Variants in SHROOM2 observed in about 807,000 individuals in gnomAD.
SHROOM2 encodes the protein protein Shroom2.
Under a neutral mutation model 75.9 loss-of-function variants are expected in SHROOM2, and 33 were observed. The observed-to-expected ratio is 0.43, with a 90% CI of 0.33 to 0.58. The LOEUF (loss-of-function observed/expected upper bound fraction) is 0.58, where lower values mean the gene tolerates loss of function less well. Among genes scored for constraint, SHROOM2 ranks in the 20% least tolerant of loss-of-function variants. The probability of loss-of-function intolerance (pLI) is 0.04; values close to 1 mark genes in which losing one functional copy is unlikely to be tolerated. For missense variants in SHROOM2, 1,434 were observed against 1,461.2 expected (o/e 0.98, Z 0.30); for synonymous variants, 655 against 663.6 (o/e 0.99, Z 0.20).
At chrX:9,890,774 G>A (rs1338932306) in intron 2 of SHROOM2, among the ~76,000 whole-genome samples, 1 of 107,310 alleles carries the variant, frequency 9.3e-6, no homozygotes, top group Non-Finnish European at 1.9e-5. Context: ...TTTGGCACAC[G>A]CGCATGTGCT....
In SHROOM2 at chrX:9,934,626, C is replaced by T. The variant is rs2084681928; in HGVS notation, c.3587+1756C>T. On this transcript the variant is annotated intron_variant, in intron 6 of 9. Transcript: ENST00000380913. ...GAAGGTCCGACCCACTGTGTTCTGTCCTTATTTTGAAGTCAAGGCTCGTGA... is the reference window on the plus strand; with the variant it reads ...GAAGGTCCGACCCACTGTGTTCTGTTCTTATTTTGAAGTCAAGGCTCGTGA... Among the ~76,000 whole-genome samples, 4 of 111,117 alleles carry T rather than the reference C, an allele frequency of 3.6e-5. No individual in the cohort carries two copies. In the South Asian group the frequency reaches 1.5e-3, roughly 43 times the overall value.
At chrX:9,802,394 T>C (rs1222723200) in intron 1 of SHROOM2, among the ~76,000 whole-genome samples, 2 of 112,808 alleles carry the variant, frequency 1.8e-5, no homozygotes, top group Non-Finnish European at 3.7e-5. Flanking sequence ...AAAAGTTTGC[T>C]GAGTGCTGCT....
intron 1 of SHROOM2, among the ~76,000 whole-genome samples, chrX:9,808,966 G>C (rs774631479): frequency 1.5e-4 from 17 of 110,466 alleles, no homozygotes; most frequent in Non-Finnish European, 2.8e-4. Context: ...TCACTGACTT[G>C]TGCAATCATC....
In SHROOM2 at chrX:9,937,507, A is replaced by C. The variant is rs930526227; in HGVS notation, c.3961A>C (p.Arg1321=). 9.9e-6 allele frequency: 12 copies of C among 1,211,846 alleles called. No individual in the cohort carries two copies. The East Asian group carries it at 3.3e-4, about 33-fold the overall frequency. Residue 1321 remains arginine, a synonymous_variant, in exon 7 of 10, where the codon AGG becomes CGG. Coordinates refer to ENST00000380913, the MANE Select transcript of SHROOM2 (RefSeq NM_001649.4). The part of the protein sequence containing the change: ...VEDLKSEELA[R]EIVGKDKSLA... ...AGACCTGAAGTCGGAGGAGCTGGCC[A>C]GGGAGATCGTGGGGAAGGATAAGTC...
chrX:9,820,559 C>T (rs973853380), intron 1 of SHROOM2, among the ~76,000 whole-genome samples: 1 of 111,199 alleles, frequency 9.0e-6, no homozygotes, highest in African/African-American at 3.3e-5. Context: ...GAGATGAGTT[C>T]TCACCATGTT....
chrX:9,808,106 T>A lies in SHROOM2; in HGVS notation c.165+21396T>A, dbSNP rs563941804. Among the ~76,000 whole-genome samples, 179 of 111,350 alleles carry A rather than the reference T, an allele frequency of 1.6e-3. No homozygotes were observed. The Middle Eastern group carries it at 0.018, about 11-fold the overall frequency. ...CTTTGCCCCGCTTGGAGCATTCCGA[T>A]CTCCGGTGTTTGAGGGTTTCATCCA... On this transcript the variant is annotated intron_variant, in intron 1 of 9. Transcript: ENST00000380913.
intron 5 of SHROOM2, among the ~76,000 whole-genome samples, chrX:9,898,566 G>A (rs1027851525): frequency 8.9e-6 from 1 of 112,064 alleles, no homozygotes; most frequent in Non-Finnish European, 1.9e-5. Flanking sequence ...TGTGTTTTCC[G>A]CACGGTGAGA....
At chrX:9,801,576 G>T (rs902814066) in intron 1 of SHROOM2, among the ~76,000 whole-genome samples, 1 of 112,091 alleles carries the variant, frequency 8.9e-6, no homozygotes, top group African/African-American at 3.2e-5. Flanking sequence ...AAACACAAAA[G>T]ATGTAAAATA....
intron 1 of SHROOM2, among the ~76,000 whole-genome samples, chrX:9,833,236 C>T (rs1210836034): frequency 1.8e-5 from 2 of 111,076 alleles, no homozygotes; most frequent in East Asian, 5.7e-4. Context: ...AGTTGTGGAG[C>T]GGGCGTTTTA....
intron 2 of SHROOM2, among the ~76,000 whole-genome samples, chrX:9,884,880 A>G (rs2084252422): frequency 9.0e-6 from 1 of 110,903 alleles, no homozygotes; most frequent in Non-Finnish European, 1.9e-5. Context: ...TGAAAGGAAT[A>G]GTATGCATTG....
rs920537820 is a variant in SHROOM2, at chrX:9,944,601, C to T, written c.4312-40C>T. 4.3e-6 allele frequency: 5 copies of T among 1,173,121 alleles called. No homozygotes were observed. In the South Asian group the frequency reaches 7.7e-5, roughly 18 times the overall value. On this transcript the variant is annotated intron_variant, in intron 8 of 9. Transcript: ENST00000380913. Reference sequence around the variant, plus strand: ...GTGGCCGGGGTGGGGGCCGGCCTAACCAGTGTCTCCGTGTTCCCTTGCCAT... The same window carrying T: ...GTGGCCGGGGTGGGGGCCGGCCTAATCAGTGTCTCCGTGTTCCCTTGCCAT...
At position 9,786,503 on chromosome X, in the gene SHROOM2, C is replaced by G; in HGVS notation, c.-43C>G. The stretch of plus-strand genomic sequence containing the variant: ...TTGCGATCCCACGGCCGGGACTGCC[C>G]GGAGTGCATGGGCGCGGGCCAGGGA... On this transcript the variant is annotated 5_prime_UTR_variant, in exon 1 of 10. Coordinates refer to ENST00000380913, the MANE Select transcript of SHROOM2 (RefSeq NM_001649.4). The G allele has an allele frequency of 1.2e-6, 1 of 840,539 alleles. No homozygotes were observed. Among genetic ancestry groups the G allele is most frequent in the Non-Finnish European group, 1.4e-6 (1 of 691,584 alleles). 69.3% of individuals were successfully genotyped at this position (840,539 alleles called of 1,213,427 possible).
intron 1 of SHROOM2, among the ~76,000 whole-genome samples, chrX:9,837,143 C>G (rs2083950870): frequency 8.9e-6 from 1 of 112,378 alleles, no homozygotes; most frequent in Non-Finnish European, 1.9e-5. Flanking sequence ...CATTGCTTTC[C>G]CGTGCCACCC....
chrX:9,929,356 G>A (rs993663510), intron 5 of SHROOM2, among the ~76,000 whole-genome samples: 5 of 102,636 alleles, frequency 4.9e-5, no homozygotes, highest in Non-Finnish European at 9.5e-5. Context: ...GGGCTGGAGC[G>A]CGCCCCGTGC....
chrX:9,872,375 G>A (rs1489612843), intron 1 of SHROOM2, among the ~76,000 whole-genome samples: 2 of 112,521 alleles, frequency 1.8e-5, no homozygotes, highest in African/African-American at 3.2e-5. Flanking sequence ...GACCAGCCTG[G>A]CCAATGGGGT....
At chrX:9,834,290 C>T (rs1284091198) in intron 1 of SHROOM2, among the ~76,000 whole-genome samples, 1 of 112,156 alleles carries the variant, frequency 8.9e-6, no homozygotes, top group Non-Finnish European at 1.9e-5. Context: ...GGAAGCCTGT[C>T]AGGAGGAGGT....
chrX:9,931,972 A>G (rs755651942), intron 5 of SHROOM2, among the ~76,000 whole-genome samples: 1 of 110,320 alleles, frequency 9.1e-6, no homozygotes, highest in African/African-American at 3.3e-5. Flanking sequence ...GGGACATGCC[A>G]GTCGACAGCC....
rs767406802 is a variant in SHROOM2, at chrX:9,896,232, C to T, written c.2324C>T (p.Thr775Met). Residue 775 changes from threonine (T) to methionine (M), a missense_variant, in exon 4 of 10, where the codon ACG becomes ATG. By Grantham distance (81) the Thr-to-Met change is moderately conservative. Transcript: ENST00000380913. ...GAGAAGATGAACGAGGTGGGCCTCA[C>T]GAGGGGCTACAGTCCTCACCAGCAC... ...EPEKMNEVGLTRGYSPHQHPR... is the reference protein window; with the variant it reads ...EPEKMNEVGLMRGYSPHQHPR... 28 of 1,211,766 alleles carry T rather than the reference C, an allele frequency of 2.3e-5. No homozygotes were observed. The highest frequency in any genetic ancestry group is 2.0e-4 in the Admixed American group (9 of 46,112).
intron 1 of SHROOM2, among the ~76,000 whole-genome samples, chrX:9,856,433 T>C: frequency 8.9e-6 from 1 of 112,014 alleles, no homozygotes; most frequent in Non-Finnish European, 1.9e-5. Context: ...CTCAATCTAT[T>C]GGGATTGAGA....
Sources: allele counts gnomAD v4.1 joint callset (sites outside exome capture counted in the v4.1 genomes callset), GRCh38; gene constraint gnomAD v4.1.1; transcripts MANE v1.5; gene names NCBI Gene and HGNC (gene_info 2026-07-23, HGNC 2026-07-21).